The following LOXL1 variants were observed in gnomAD, a reference collection of about 807,000 sequenced individuals.
The protein encoded by LOXL1 is lysyl oxidase homolog 1.
In LOXL1, 31 loss-of-function variants were observed where a neutral mutation model predicts 62.2. The ratio of observed to expected loss-of-function variants is 0.50; its 90% CI spans 0.37 to 0.67. The LOEUF (loss-of-function observed/expected upper bound fraction) is 0.67, where lower values mean the gene tolerates loss of function less well. Among genes scored for constraint, LOXL1 ranks in the 30% least tolerant of loss-of-function variants. The pLI, the probability that LOXL1 is intolerant of heterozygous loss-of-function variation, is 0.00. For missense variants in LOXL1, 775 were observed against 843.4 expected (o/e 0.92, Z 1.00); for synonymous variants, 403 against 384.4 (o/e 1.05, Z -0.56).
intron 2 of LOXL1, among the ~76,000 whole-genome samples, chr15:73,946,093 G>A (rs184999847): frequency 1.2e-3 from 190 of 152,234 alleles, no homozygotes; most frequent in Non-Finnish European, 2.1e-3. Flanking sequence ...TGCACCTAGG[G>A]GCTGACCCCA....
intron 6 of LOXL1, among the ~76,000 whole-genome samples, chr15:73,949,844 T>C (rs752951985): frequency 6.6e-6 from 1 of 152,176 alleles, no homozygotes; most frequent in South Asian, 2.1e-4. Flanking sequence ...GCAGAGTCAT[T>C]TGATGCAAGG....
At position 73,926,935 on chromosome 15, in the gene LOXL1, T is replaced by G; in HGVS notation, c.152T>G (p.Val51Gly). The change falls in exon 1 of 7, where the codon GTG becomes GGG. Residue 51 changes from valine to glycine, a missense_variant. Val to Gly is a moderately radical substitution (Grantham distance 109). Coordinates refer to ENST00000261921, the MANE Select transcript of LOXL1 (RefSeq NM_005576.4). ...QLIQWENNGQ[V>G]YSLLNSGSEY... Reference sequence around the variant, plus strand: ...ATCCAGTGGGAGAACAACGGGCAGGTGTACAGCTTGCTCAACTCGGGCTCA... The same window carrying G: ...ATCCAGTGGGAGAACAACGGGCAGGGGTACAGCTTGCTCAACTCGGGCTCA... The G allele has an allele frequency of 6.4e-7, 1 of 1,564,150 alleles. No individual in the cohort carries two copies. Among genetic ancestry groups the G allele is most frequent in the Non-Finnish European group, 8.6e-7 (1 of 1,156,134 alleles).
At chr15:73,933,964 G>T (rs947349016) in intron 1 of LOXL1, among the ~76,000 whole-genome samples, 1 of 152,208 alleles carries the variant, frequency 6.6e-6, no homozygotes, top group African/African-American at 2.4e-5. Context: ...GTTGGGTCTG[G>T]GTCCCTCTCC....
At position 73,946,465 on chromosome 15, in the gene LOXL1, G is replaced by A; in HGVS notation, c.1260G>A (p.Leu420=). The A allele has an allele frequency of 6.2e-7, 1 of 1,613,174 alleles. No homozygotes were observed. The highest frequency in any genetic ancestry group is 8.5e-7 in the Non-Finnish European group (1 of 1,179,736). The stretch of plus-strand genomic sequence containing the variant: ...CCGACTACGATGTGCGGGTGCTACT[G>A]CGCTTCCCCCAGCGCGTGAAGAACC... ...EATDYDVRVL[L]RFPQRVKNQG... Residue 420 remains leucine (L), a synonymous_variant, in exon 3 of 7, where the codon CTG becomes CTA. Transcript: ENST00000261921.
chr15:73,934,949 T>C (rs1219755388), intron 1 of LOXL1, among the ~76,000 whole-genome samples: 2 of 152,106 alleles, frequency 1.3e-5, no homozygotes, highest in African/African-American at 4.8e-5. Context: ...AGACAGCCAG[T>C]GCAAGGCCCT....
rs755677207 is a variant in LOXL1, at chr15:73,942,838, C to T, written c.1103-16C>T. On this transcript the variant is annotated splice_polypyrimidine_tract_variant and intron_variant, in intron 1 of 6. Coordinates refer to ENST00000261921, the MANE Select transcript of LOXL1 (RefSeq NM_005576.4). ...CTCTTCCTCCCTCCCCCCTTCTCTC[C>T]CACTGCCCACTCCAGGTCTCCCTGA... 4 of 1,542,872 alleles carry T rather than the reference C, an allele frequency of 2.6e-6. No individual in the cohort carries two copies. Among genetic ancestry groups the T allele is most frequent in the African/African-American group, 1.4e-5 (1 of 73,480 alleles).
At chr15:73,932,356 G>A (rs1395375905) in intron 1 of LOXL1, among the ~76,000 whole-genome samples, 1 of 152,144 alleles carries the variant, frequency 6.6e-6, no homozygotes, top group Non-Finnish European at 1.5e-5. Flanking sequence ...TTGAGTCTGT[G>A]TGACTCTCTA....
chr15:73,947,782 G>A, intron 4 of LOXL1, 25 bp from the exon 5 acceptor site: 1 of 1,529,570 alleles, frequency 6.5e-7, no homozygotes, highest in Non-Finnish European at 9.0e-7. Flanking sequence ...CAGCATCACA[G>A]CCGCTCCTCT....
At chr15:73,940,430 TTGA>T (rs1461733083) in intron 1 of LOXL1, among the ~76,000 whole-genome samples, 1 of 151,724 alleles carries the variant, frequency 6.6e-6, no homozygotes, top group Non-Finnish European at 1.5e-5. Context: ...TTAATCAGAC[TTGA>T]TGATATCACA....
In LOXL1 at chr15:73,930,272, G is replaced by A. The variant is rs142380484; in HGVS notation, c.1102+2387G>A. On this transcript the variant is annotated intron_variant, in intron 1 of 6. Coordinates refer to ENST00000261921, the MANE Select transcript of LOXL1 (RefSeq NM_005576.4). The surrounding 1 kb of genome is among the most constrained non-coding windows in gnomAD (Gnocchi z 4.7). ...GGGCTCAGGGAGACTTCCACAGGAA[G>A]CAATGTCTAAGCATTGCTGCAAGGG... Among the ~76,000 whole-genome samples, 187 of 152,336 alleles carry A rather than the reference G, an allele frequency of 1.2e-3. No individual in the cohort carries two copies. The South Asian group carries it at 0.017, about 14-fold the overall frequency.
intron 1 of LOXL1, among the ~76,000 whole-genome samples, chr15:73,933,298 T>C (rs2068647680): frequency 6.6e-6 from 1 of 152,230 alleles, no homozygotes; most frequent in South Asian, 2.1e-4. Flanking sequence ...AGCTTAGACC[T>C]AGGCTGACTG....
chr15:73,947,258 G>T, intron 4 of LOXL1, 35 bp downstream of exon 4: 1 of 1,567,454 alleles, frequency 6.4e-7, no homozygotes, highest in South Asian at 1.2e-5. Context: ...GGGCATGGGA[G>T]GATAAGGAGT....
chr15:73,935,391 G>C (rs1472554448), intron 1 of LOXL1, among the ~76,000 whole-genome samples: 1 of 152,206 alleles, frequency 6.6e-6, no homozygotes, highest in African/African-American at 2.4e-5. Flanking sequence ...GTTTATGGCT[G>C]GTGTGGCTGG....
In LOXL1 at chr15:73,927,711, T is replaced by G. The variant is rs2068597693; in HGVS notation, c.928T>G (p.Tyr310Asp). ...TGGCGGAGACCCACGCCTGGGCTGG[T>G]ACCCGCCCTACGCCAACCCGCCGCC... ...AHGGDPRLGW[Y>D]PPYANPPPEA... The change falls in exon 1 of 7, where the codon TAC becomes GAC. Residue 310 changes from tyrosine (Y) to aspartate (D), a missense_variant. Transcript: ENST00000261921. 6.8e-7 allele frequency: 1 copy of G among 1,474,882 alleles called. No individual in the cohort carries two copies. 91.4% of individuals were successfully genotyped at this position (1,474,882 alleles called of 1,614,324 possible).
intron 5 of LOXL1, among the ~76,000 whole-genome samples, chr15:73,948,494 C>T (rs762439087): frequency 6.6e-5 from 10 of 152,134 alleles, no homozygotes; most frequent in Non-Finnish European, 1.0e-4. Flanking sequence ...ATGTCTCAGC[C>T]TCCTCCACAC....
rs10775207 is a variant in LOXL1, at chr15:73,945,679, G to C, written c.1212-738G>C. Among the ~76,000 whole-genome samples, 1 of 152,004 alleles carries C rather than the reference G, an allele frequency of 6.6e-6. No individual in the cohort carries two copies. Among genetic ancestry groups the C allele is most frequent in the African/African-American group, 2.4e-5 (1 of 41,324 alleles). Reference sequence around the variant, plus strand: ...TCAACAATTAGGGCTCTGTCTTGTTGTCAGAGACTTATCAGAATCTCCTGG... The same window carrying C: ...TCAACAATTAGGGCTCTGTCTTGTTCTCAGAGACTTATCAGAATCTCCTGG... On this transcript the variant is annotated intron_variant, in intron 2 of 6. Coordinates refer to ENST00000261921, the MANE Select transcript of LOXL1 (RefSeq NM_005576.4). This position sits in a 1 kb window ranked among gnomAD's most constrained non-coding sequence, Gnocchi z 4.3.
intron 6 of LOXL1, 22 bp from the exon 7 acceptor site, chr15:73,951,809 C>T (rs765394657): frequency 6.5e-7 from 1 of 1,549,006 alleles, no homozygotes; most frequent in South Asian, 1.2e-5. Flanking sequence ...CCCTCATTGA[C>T]CCACTGTCTT....
Position 73,927,732 on chromosome 15 carries a change from C to T in LOXL1, c.949C>T (p.Pro317Ser). The T allele has an allele frequency of 6.8e-7, 1 of 1,462,070 alleles. No individual in the cohort carries two copies. The highest frequency in any genetic ancestry group is 9.0e-7 in the Non-Finnish European group (1 of 1,113,618). 90.6% of individuals were successfully genotyped at this position (1,462,070 alleles called of 1,614,324 possible). A position where few individuals can be genotyped will look rare whatever the true frequency, so the allele number is the denominator to read the frequency against. Residue 317 changes from proline (P) to serine (S), a missense_variant, in exon 1 of 7, where the codon CCG (proline) becomes TCG (serine). Physicochemically the swap from Pro to Ser is moderately conservative, Grantham distance 74 (BLOSUM62 -1). Coordinates refer to ENST00000261921, the MANE Select transcript of LOXL1 (RefSeq NM_005576.4). ...CTGGTACCCGCCCTACGCCAACCCG[C>T]CGCCCGAGGCGTACGGGCCGCCGCG... is the stretch of plus-strand genomic sequence containing the variant. ...LGWYPPYANP[P>S]PEAYGPPRAL...
At position 73,950,375 on chromosome 15, in the gene LOXL1, C is replaced by T. The variant is rs141106884; in HGVS notation, c.1718+801C>T. On this transcript the variant is annotated intron_variant, in intron 6 of 6. Transcript: ENST00000261921. ...GAAAGGTGGTAGAGATCTTAAGGCCCAGAGAGGTATCTTTCCCTAAAAGTG... is the reference window on the plus strand; with the variant it reads ...GAAAGGTGGTAGAGATCTTAAGGCCTAGAGAGGTATCTTTCCCTAAAAGTG... Among the ~76,000 whole-genome samples, 333 of 151,890 alleles carry T rather than the reference C, an allele frequency of 2.2e-3. 2 individuals carry two copies. The highest frequency in any genetic ancestry group is 7.8e-3 in the African/African-American group (324 of 41,402).
Sources: allele counts gnomAD v4.1 joint callset (sites outside exome capture counted in the v4.1 genomes callset), GRCh38; gene constraint gnomAD v4.1.1; non-coding constraint Gnocchi (gnomAD v3.1); transcripts MANE v1.5; gene names NCBI Gene and HGNC (gene_info 2026-07-23, HGNC 2026-07-21).